PLA2G6: variants seen among roughly 807,000 people sequenced by gnomAD.
PLA2G6 encodes phospholipase A2 group VI.
In PLA2G6, 62 loss-of-function variants were observed where a neutral mutation model predicts 83.8. The ratio of observed to expected loss-of-function variants is 0.74; its 90% CI spans 0.60 to 0.91. The LOEUF is 0.91. Among genes scored for constraint, PLA2G6 ranks in the 40% least tolerant of loss-of-function variants. PLA2G6 has a pLI of 0.00. For missense variants in PLA2G6, 944 were observed against 1,102.0 expected (o/e 0.86, Z 2.03); for synonymous variants, 417 against 449.8 (o/e 0.93, Z 0.92).
intron 2 of PLA2G6, chr22:38,148,392 G>GA: frequency 1.5e-6 from 1 of 661,444 alleles, no homozygotes; most frequent in Non-Finnish European, 2.7e-6. Flanking sequence ...TAGGGAATGT[G>GA]AAACAGACCA....
chr22:38,118,730 A>T (rs2087350238), intron 12 of PLA2G6, among the ~76,000 whole-genome samples: 1 of 146,702 alleles, frequency 6.8e-6, no homozygotes. Flanking sequence ...TTCTTTTTAT[A>T]GTTTGTGAGT....
Position 38,112,168 on chromosome 22 carries a change from G to T in PLA2G6, c.2414C>A (p.Ser805Ter). Residue 805 changes from serine (S) to a stop codon, truncating the protein, a stop_gained, in exon 17 of 17, where the codon TCA becomes TAA. Coordinates refer to ENST00000332509, the MANE Select transcript of PLA2G6 (RefSeq NM_003560.4). LOFTEE classifies it high-confidence loss of function. ...EFQKLIQLLL[S>*]P ...GTGAGAGGCTGGGGACCCTCAGGGT[G>T]AGAGCAGCAGCTGGATGAGCTTCTG... 1 of 1,583,332 alleles carries T rather than the reference G, an allele frequency of 6.3e-7. No individual in the cohort carries two copies. The highest frequency in any genetic ancestry group is 2.3e-5 in the East Asian group (1 of 43,258).
chr22:38,145,785 A>G, intron 2 of PLA2G6, 132 bp from the exon 3 acceptor site: 1 of 107,320 alleles, frequency 9.3e-6, no homozygotes, highest in South Asian at 9.0e-5. Flanking sequence ...TCCCAAGCAA[A>G]CACACACACA....
chr22:38,166,484 C>T (rs2090220698), intron 2 of PLA2G6, among the ~76,000 whole-genome samples: 1 of 152,206 alleles, frequency 6.6e-6, no homozygotes, highest in African/African-American at 2.4e-5. Flanking sequence ...AATCCCAGCA[C>T]TTTGGGAGGC....
At chr22:38,151,196 C>CT (rs1465600433) in intron 2 of PLA2G6, among the ~76,000 whole-genome samples, 1 of 151,258 alleles carries the variant, frequency 6.6e-6, no homozygotes, top group Non-Finnish European at 1.5e-5. Context: ...AACCCAGAGA[C>CT]TTTGTCATTA....
rs769047790 is a variant in PLA2G6 at position 38,120,831 on chromosome 22, G to C, written c.1670C>G (p.Ser557Trp). 1 of 1,613,888 alleles carries C rather than the reference G, an allele frequency of 6.2e-7. No homozygotes were observed. The highest frequency in any genetic ancestry group is 8.5e-7 in the Non-Finnish European group (1 of 1,180,002). ...EVFRGSRPYE[S>W]GPLEEFLKRE... The stretch of plus-strand genomic sequence containing the variant: ...CTTCAGGAACTCCTCCAGGGGCCCC[G>C]ACTCGTAGGGCCTGGAGCCCCGGAA... The change falls in exon 12 of 17, where the codon TCG (serine) becomes TGG (tryptophan). Residue 557 changes from serine (S) to tryptophan (W), a missense_variant. Coordinates refer to ENST00000332509, the MANE Select transcript of PLA2G6 (RefSeq NM_003560.4).
At chr22:38,171,584 TGAG>T (rs1462213233) in intron 1 of PLA2G6, among the ~76,000 whole-genome samples, 6 of 151,982 alleles carry the variant, frequency 3.9e-5, no homozygotes, top group Non-Finnish European at 7.4e-5. Flanking sequence ...TCTGGGAGGC[TGAG>T]GAGGGCAGAT....
rs780880188 is a variant in PLA2G6 at position 38,126,372 on chromosome 22, T to C, written c.1426A>G (p.Thr476Ala). 31 of 1,612,096 alleles carry C rather than the reference T, an allele frequency of 1.9e-5. No individual in the cohort carries two copies. The highest frequency in any genetic ancestry group is 2.6e-5 in the Non-Finnish European group (31 of 1,178,574). ...TGCCCCCGATCTCGATCCACTTACG[T>C]CCGCTTCTCGTCCCTCATGGAGCCC... ...ILGSMRDEKR[T>A]HDHLLCLDGG... The change falls in exon 10 of 17, where the codon ACC becomes GCC. Residue 476 changes from threonine to alanine, a missense_variant and splice_region_variant. By Grantham distance (58) the Thr-to-Ala change is moderately conservative. Transcript: ENST00000332509.
chr22:38,158,872 G>A (rs1460732051), intron 2 of PLA2G6, among the ~76,000 whole-genome samples: 1 of 152,158 alleles, frequency 6.6e-6, no homozygotes, highest in East Asian at 1.9e-4. Flanking sequence ...CGATCATCAG[G>A]GCTCTGCCCT....
chr22:38,141,555 C>A (rs1444393374), intron 4 of PLA2G6: 1 of 151,722 alleles, frequency 6.6e-6, no homozygotes, highest in Non-Finnish European at 1.5e-5. Context: ...TCAAGCCCCA[C>A]TCTCTCAGCT....
At chr22:38,115,853 G>A in intron 13 of PLA2G6, 172 bp from the exon 14 acceptor site, 1 of 1,475,036 alleles carries the variant, frequency 6.8e-7, no homozygotes, top group Non-Finnish European at 9.0e-7. Flanking sequence ...GTTCGTCCTG[G>A]TGGAAGGCAG....
At chr22:38,154,909 T>C (rs1369230846) in intron 2 of PLA2G6, among the ~76,000 whole-genome samples, 1 of 152,104 alleles carries the variant, frequency 6.6e-6, no homozygotes, top group Non-Finnish European at 1.5e-5. Flanking sequence ...CAGATAAACT[T>C]AGCAAAGAGA....
At chr22:38,133,869 CCAT>C (rs11570677) in intron 6 of PLA2G6, 14 of 152,816 alleles carry the variant, frequency 9.2e-5, no homozygotes, top group Admixed American at 5.9e-4. Flanking sequence ...CCATCATCAT[CCAT>C]CATCATCATC....
intron 2 of PLA2G6, among the ~76,000 whole-genome samples, chr22:38,162,353 G>T (rs1178325246): frequency 1.3e-5 from 2 of 152,110 alleles, no homozygotes; most frequent in African/African-American, 4.8e-5. Context: ...AAGCAAGGAG[G>T]CAGGAAGTAT....
At chr22:38,129,304 C>T in intron 8 of PLA2G6, 150 bp downstream of exon 8, 1 of 688,980 alleles carries the variant, frequency 1.5e-6, no homozygotes, top group East Asian at 2.7e-5. Flanking sequence ...AAGGAAGCCC[C>T]CTCTCTGAGT....
At chr22:38,165,790 G>A (rs913169591) in intron 2 of PLA2G6, among the ~76,000 whole-genome samples, 1 of 152,178 alleles carries the variant, frequency 6.6e-6, no homozygotes, top group African/African-American at 2.4e-5. Context: ...TGAGGCAGGA[G>A]AATGGCATGA....
chr22:38,122,209 G>T (rs892784871), intron 11 of PLA2G6, among the ~76,000 whole-genome samples: 1 of 152,064 alleles, frequency 6.6e-6, no homozygotes, highest in African/African-American at 2.4e-5. Context: ...CCCTAGGGTG[G>T]GGAGTCCTCC....
rs533668437 is a variant in PLA2G6 at position 38,132,121 on chromosome 22, A to G, written c.1077+710T>C. ...CAGTGCGAGACTCCATCTCGAAAAAAAAGAATACATGCACACACATATGTC... is the reference window on the plus strand; with the variant it reads ...CAGTGCGAGACTCCATCTCGAAAAAGAAGAATACATGCACACACATATGTC... On this transcript the variant is annotated intron_variant, in intron 7 of 16. Transcript: ENST00000332509. The surrounding 1 kb of genome is among the most constrained non-coding windows in gnomAD (Gnocchi z 5.0). 4.8e-5 allele frequency: 22 copies of G among 455,992 alleles called. No individual in the cohort carries two copies. In the East Asian group the frequency reaches 1.3e-3, roughly 27 times the overall value. The allele number at this position is 455,992 out of a possible 1,614,324, so 28.2% of individuals were successfully genotyped here. A position where few individuals can be genotyped will look rare whatever the true frequency, so the allele number is the denominator to read the frequency against.
chr22:38,158,849 T>C (rs1282781122), intron 2 of PLA2G6, among the ~76,000 whole-genome samples: 2 of 152,188 alleles, frequency 1.3e-5, no homozygotes, highest in Non-Finnish European at 2.9e-5. Context: ...AATGGGGCCA[T>C]TAGGAGGTAA....
Sources: gnomAD v4.1 joint callset for allele counts (sites outside exome capture counted in the v4.1 genomes callset) on GRCh38, gnomAD v4.1.1 for gene constraint, Gnocchi (gnomAD v3.1) non-coding constraint, MANE v1.5 for transcripts, NCBI Gene and HGNC (gene_info 2026-07-23, HGNC 2026-07-21) for gene names.